Variants in MDGA1 observed in about 807,000 individuals in gnomAD.
The protein encoded by MDGA1 is MAM domain-containing glycosylphosphatidylinositol anchor protein 1.
MDGA1 carries 54 observed loss-of-function variants against 101.5 expected under a neutral mutation model. That is an observed-to-expected ratio of 0.53 (90% CI 0.43 to 0.67). The LOEUF is 0.67. MDGA1 is among the 30% of genes least tolerant of loss of function. The probability of loss-of-function intolerance (pLI) is 0.00; values close to 1 mark genes in which losing one functional copy is unlikely to be tolerated. For synonymous variants in MDGA1, 533 were observed against 558.3 expected (o/e 0.95, Z 0.64); for missense variants, 1,083 against 1,323.8 (o/e 0.82, Z 2.82).
intron 6 of MDGA1, 107 bp downstream of exon 6, chr6:37,654,167 C>A: frequency 1.5e-6 from 2 of 1,316,888 alleles, no homozygotes; most frequent in Non-Finnish European, 2.0e-6. Context: ...GACTCATCTA[C>A]CAAGGAGAAG....
intron 1 of MDGA1, among the ~76,000 whole-genome samples, chr6:37,692,133 G>A (rs1762320636): frequency 6.6e-6 from 1 of 151,786 alleles, no homozygotes; most frequent in Admixed American, 6.5e-5. Context: ...CTCAGATAGG[G>A]TGAGGCCCAC....
intron 1 of MDGA1, among the ~76,000 whole-genome samples, chr6:37,676,457 C>A (rs116121012): frequency 4.6e-5 from 7 of 152,208 alleles, no homozygotes; most frequent in African/African-American, 1.7e-4. Context: ...GGTTCTGGCA[C>A]AGGCCTGAAT....
At chr6:37,658,729 C>T (rs1352809664) in intron 2 of MDGA1, among the ~76,000 whole-genome samples, 1 of 152,100 alleles carries the variant, frequency 6.6e-6, no homozygotes, top group Non-Finnish European at 1.5e-5. Flanking sequence ...CCCAGCACTT[C>T]GGGAGGCCAA....
At chr6:37,681,005 C>CG (rs754791779) in intron 1 of MDGA1, among the ~76,000 whole-genome samples, 2 of 152,194 alleles carry the variant, frequency 1.3e-5, no homozygotes, top group South Asian at 2.1e-4. Flanking sequence ...AGCCCCCCCC[C>CG]CCCAGGAAAC....
At chr6:37,688,199 T>C (rs543290318) in intron 1 of MDGA1, among the ~76,000 whole-genome samples, 9 of 152,356 alleles carry the variant, frequency 5.9e-5, no homozygotes, top group Middle Eastern at 3.4e-3. Flanking sequence ...ACACACTGTC[T>C]ACACCAGCTG....
Position 37,638,275 on chromosome 6 carries a change from C to G in MDGA1, c.2706G>C (p.Gly902=), listed in dbSNP as rs1231135382. The G allele has an allele frequency of 6.2e-7, 1 of 1,612,746 alleles. No homozygotes were observed. The highest frequency in any genetic ancestry group is 2.2e-5 in the East Asian group (1 of 44,878). ...FEGVRGPGYL[G]DIAIDDVTLK... ...GTGTGACGTCATCTATGGCAATATC[C>G]CCCAGGTAGCCCGGGCCTCGAACCC... The change falls in exon 16 of 17, where the codon GGG becomes GGC. Residue 902 remains glycine (G), a synonymous_variant. Coordinates refer to ENST00000434837, the MANE Select transcript of MDGA1 (RefSeq NM_153487.4). This position sits in a 1 kb window ranked among gnomAD's most constrained non-coding sequence, Gnocchi z 4.8.
chr6:37,646,370 G>T lies in MDGA1; in HGVS notation c.2052C>A (p.Asn684Lys). The T allele has an allele frequency of 6.6e-7, 1 of 1,513,302 alleles. No homozygotes were observed. Among genetic ancestry groups the T allele is most frequent in the Non-Finnish European group, 8.9e-7 (1 of 1,126,066 alleles). 93.7% of individuals were successfully genotyped at this position (1,513,302 alleles called of 1,614,324 possible). A position where few individuals can be genotyped will look rare whatever the true frequency, so the allele number is the denominator to read the frequency against. ...TGGCCTTGACCACCGCATTGTGCTG[G>T]TTCAACTGTTAAGTACAGAGAGTTC... Reference protein sequence around the residue: ...LNYRLSIRQLNQHNAVVKAIP... With the variant: ...LNYRLSIRQLKQHNAVVKAIP... The change falls in exon 11 of 17, where the codon AAC becomes AAA. Residue 684 changes from asparagine to lysine, a missense_variant. Asn to Lys is a moderately conservative substitution (Grantham distance 94). Coordinates refer to ENST00000434837, the MANE Select transcript of MDGA1 (RefSeq NM_153487.4).
chr6:37,678,005 G>A lies in MDGA1; in HGVS notation c.68-13899C>T, dbSNP rs145863129. Among the ~76,000 whole-genome samples, 811 of 152,310 alleles carry A rather than the reference G, an allele frequency of 5.3e-3. 10 individuals are homozygous for A. Among genetic ancestry groups the A allele is most frequent in the African/African-American group, 0.018 (765 of 41,556 alleles). ...CAGTTACCTGGTTCCTCCAGGCCAG[G>A]CCTTGGCTTCTACCCAGGAGACCAC... is the stretch of plus-strand genomic sequence containing the variant. On this transcript the variant is annotated intron_variant, in intron 1 of 16. Transcript: ENST00000434837.
rs994951412 is a variant in MDGA1 at position 37,652,240 on chromosome 6, T to G, written c.1083A>C (p.Ala361=). The G allele has an allele frequency of 6.2e-7, 1 of 1,614,050 alleles. No homozygotes were observed. Among genetic ancestry groups the G allele is most frequent in the Non-Finnish European group, 8.5e-7 (1 of 1,179,896 alleles). Residue 361 remains alanine, a synonymous_variant, in exon 7 of 17, where the codon GCA becomes GCC. Coordinates refer to ENST00000434837, the MANE Select transcript of MDGA1 (RefSeq NM_153487.4). This position sits in a 1 kb window ranked among gnomAD's most constrained non-coding sequence, Gnocchi z 4.3. ...GGTAGGTCACCTTCTCCTGGGGCAC[T>G]GCATCCACGTGGCACGATAGCTTCA... ...QDLKLSCHVD[A]VPQEKVTYQW...
At chr6:37,685,659 G>C (rs1029304532) in intron 1 of MDGA1, among the ~76,000 whole-genome samples, 8 of 152,204 alleles carry the variant, frequency 5.3e-5, no homozygotes, top group African/African-American at 1.7e-4. Flanking sequence ...TGCTAGCAGA[G>C]AGAGGTACCA....
chr6:37,682,967 T>G (rs1762127675), intron 1 of MDGA1, among the ~76,000 whole-genome samples: 1 of 152,158 alleles, frequency 6.6e-6, no homozygotes, highest in Admixed American at 6.5e-5. Flanking sequence ...CAGAATGCAG[T>G]CGACCTTATT....
rs749201379 is a variant in MDGA1 at position 37,644,523 on chromosome 6, G to A, written c.2375C>T (p.Pro792Leu). Reference sequence around the variant, plus strand: ...CTCAGGGGTGCCACTTATGTCGGTGGGGGGACCAGTGTTGGGGGAGCGTTT... The same window carrying A: ...CTCAGGGGTGCCACTTATGTCGGTGAGGGGACCAGTGTTGGGGGAGCGTTT... ...NPKRSPNTGP[P>L]TDISGTPEGY... Residue 792 changes from proline (P) to leucine (L), a missense_variant, in exon 13 of 17, where the codon CCC (proline) becomes CTC (leucine). Pro to Leu is a moderately conservative substitution (Grantham distance 98). This residue lies in a region of MDGA1 where 657 missense variants were observed against 771.4 expected (regional missense o/e 0.85). Transcript: ENST00000434837. The A allele has an allele frequency of 1.9e-6, 3 of 1,595,188 alleles. No homozygotes were observed. The highest frequency in any genetic ancestry group is 3.5e-5 in the Admixed American group (2 of 57,530).
chr6:37,677,951 A>T (rs1327510015), intron 1 of MDGA1, among the ~76,000 whole-genome samples: 1 of 152,196 alleles, frequency 6.6e-6, no homozygotes, highest in Non-Finnish European at 1.5e-5. Context: ...CCCAACTTCT[A>T]GCAACCCCTA....
intron 1 of MDGA1, among the ~76,000 whole-genome samples, chr6:37,676,679 C>T (rs2114081316): frequency 6.6e-6 from 1 of 152,112 alleles, no homozygotes; most frequent in Non-Finnish European, 1.5e-5. Flanking sequence ...TGGTAGATTA[C>T]TGGAGGTCAG....
At position 37,632,789 on chromosome 6, in the gene MDGA1, CT is replaced by C; in HGVS notation, c.*4578del. ...TGGGCCTGGGCATGAGGAGTTTTGG[CT>C]TTTCTCCCAAGTCTTTGAGGTCTCA... On this transcript the variant is annotated 3_prime_UTR_variant, in exon 17 of 17. Transcript: ENST00000434837. 1 of 152,842 alleles carries C rather than the reference CT, an allele frequency of 6.5e-6. No individual in the cohort carries two copies. Among genetic ancestry groups the C allele is most frequent in the Non-Finnish European group, 1.5e-5 (1 of 68,140 alleles). 9.5% of individuals were successfully genotyped at this position (152,842 alleles called of 1,614,324 possible). A position where few individuals can be genotyped will look rare whatever the true frequency, so the allele number is the denominator to read the frequency against.
At chr6:37,690,135 G>A (rs1206588119) in intron 1 of MDGA1, among the ~76,000 whole-genome samples, 1 of 152,138 alleles carries the variant, frequency 6.6e-6, no homozygotes, top group African/African-American at 2.4e-5. Context: ...GCTCCAACAG[G>A]CCAGGGCCTT....
chr6:37,690,449 T>C (rs111318136), intron 1 of MDGA1, among the ~76,000 whole-genome samples: 2,060 of 152,340 alleles, frequency 0.014, 47 homozygotes, highest in African/African-American at 0.046. Flanking sequence ...TGCATACTTA[T>C]GATCACAGGC....
chr6:37,647,151 C>T, intron 10 of MDGA1, 22 bp downstream of exon 10: 4 of 1,580,644 alleles, frequency 2.5e-6, no homozygotes, highest in Non-Finnish European at 1.7e-6. Context: ...TGCCCCCAGG[C>T]CCCCGCTCCC....
chr6:37,644,771 G>A, intron 12 of MDGA1, 122 bp from the exon 13 acceptor site: 1 of 1,068,422 alleles, frequency 9.4e-7, no homozygotes, highest in Non-Finnish European at 1.2e-6. Context: ...CAGGATTCCG[G>A]GCTTCAAAAG....
Sources: allele counts gnomAD v4.1 joint callset (sites outside exome capture counted in the v4.1 genomes callset), GRCh38; gene constraint gnomAD v4.1.1; regional missense constraint gnomAD v4.1.1; non-coding constraint Gnocchi (gnomAD v3.1); transcripts MANE v1.5; gene names NCBI Gene and HGNC (gene_info 2026-07-23, HGNC 2026-07-21).